The following COL24A1 variants were observed in gnomAD, a reference collection of about 807,000 sequenced individuals.
The protein encoded by COL24A1 is collagen type XXIV alpha 1 chain.
In COL24A1, 224 loss-of-function variants were observed where a neutral mutation model predicts 253.9. The observed-to-expected ratio is 0.88, with a 90% CI of 0.79 to 0.99. COL24A1 has a LOEUF of 0.99. Among genes scored for constraint, COL24A1 ranks in the 50% least tolerant of loss-of-function variants. The pLI, the probability that COL24A1 is intolerant of heterozygous loss-of-function variation, is 0.00. For missense variants in COL24A1, 2,131 were observed against 2,068.5 expected, an observed-to-expected ratio of 1.03 and a Z score of -0.59; for synonymous variants, 685 against 673.7, an observed-to-expected ratio of 1.02 and a Z score of -0.26.
rs1313322149 is a variant in COL24A1, at chr1:86,124,884, C to T, written c.1452G>A (p.Met484Ile). The stretch of plus-strand genomic sequence containing the variant: ...CTCCTTTTGGCCCTCTCAGATACTC[C>T]ATTTCAAGCATTGTATTTAGATCCT... ...YYEDLNTMLEMEYLRGPKGDT... is the reference protein window; with the variant it reads ...YYEDLNTMLEIEYLRGPKGDT... The change falls in exon 3 of 60, where the codon ATG (methionine) becomes ATA (isoleucine). Residue 484 changes from methionine (M) to isoleucine (I), a missense_variant. Physicochemically the swap from Met to Ile is conservative, Grantham distance 10. Transcript: ENST00000370571. The T allele has an allele frequency of 1.3e-6, 2 of 1,595,470 alleles. No homozygotes were observed. Among genetic ancestry groups the T allele is most frequent in the South Asian group, 2.3e-5 (2 of 87,054 alleles).
intron 27 of COL24A1, among the ~76,000 whole-genome samples, chr1:85,908,056 C>T (rs1174978096): frequency 1.3e-5 from 2 of 151,688 alleles, no homozygotes; most frequent in African/African-American, 2.4e-5. Context: ...AAGTTCTGCT[C>T]AGGGGATCCT....
chr1:86,148,556 G>A (rs2102433502), intron 1 of COL24A1, among the ~76,000 whole-genome samples: 1 of 149,624 alleles, frequency 6.7e-6, no homozygotes, highest in South Asian at 2.1e-4. Flanking sequence ...GTGCCCATGT[G>A]TTTTCATTGT....
At chr1:85,963,709 C>T (rs1268861645) in intron 23 of COL24A1, among the ~76,000 whole-genome samples, 1 of 152,022 alleles carries the variant, frequency 6.6e-6, no homozygotes, top group Non-Finnish European at 1.5e-5. Context: ...ATGAACATTA[C>T]AAAATTTCCT....
At chr1:86,062,698 TTC>T (rs1267188951) in intron 8 of COL24A1, among the ~76,000 whole-genome samples, 4 of 152,122 alleles carry the variant, frequency 2.6e-5, no homozygotes, top group African/African-American at 9.6e-5. Flanking sequence ...TCTCATCTTT[TTC>T]TCCCATAAAT....
rs746455768 is a variant in COL24A1, at chr1:85,868,599, C to T, written c.3220G>A (p.Gly1074Arg). Residue 1074 changes from glycine (G) to arginine (R), a missense_variant, in exon 37 of 60, where the codon GGA (glycine) becomes AGA (arginine). Gly to Arg is a moderately radical substitution (Grantham distance 125, BLOSUM62 -2). Transcript: ENST00000370571. ...KGVPGGRGLP[G>R]EDGEKGEMGL... ...ATCTCTCCTTTTTCTCCATCCTCTC[C>T]AGGAAGTCCCCTTCCTCCTGGTACT... 4.3e-6 allele frequency: 7 copies of T among 1,613,712 alleles called. No individual in the cohort carries two copies. In the East Asian group the frequency reaches 6.7e-5, roughly 15 times the overall value.
At chr1:85,906,909 C>T (rs549070078) in intron 28 of COL24A1, among the ~76,000 whole-genome samples, 70 of 151,806 alleles carry the variant, frequency 4.6e-4, no homozygotes, top group African/African-American at 1.6e-3. Context: ...TTACCATTCT[C>T]TCAAAGAATG....
rs551015674 is a variant in COL24A1, at chr1:85,840,482, A to G, written c.3627+740T>C. On this transcript the variant is annotated intron_variant, in intron 42 of 59. Coordinates refer to ENST00000370571, the MANE Select transcript of COL24A1 (RefSeq NM_152890.7). ...CAAAGAGCCAGGTCAAAATATCAGG[A>G]GTGACTACATATTCTGATCCTTGTG... 3.9e-4 allele frequency among the ~76,000 whole-genome samples: 60 copies of G among 152,302 alleles called. No homozygotes were observed. The Middle Eastern group carries it at 0.014, about 35-fold the overall frequency.
chr1:85,934,015 T>A (rs576154516), intron 24 of COL24A1, among the ~76,000 whole-genome samples: 5 of 152,308 alleles, frequency 3.3e-5, no homozygotes, highest in African/African-American at 1.2e-4. Flanking sequence ...CTGAGGATCT[T>A]TCATGAAGTT....
intron 1 of COL24A1, among the ~76,000 whole-genome samples, chr1:86,150,736 T>A (rs1652642845): frequency 6.6e-6 from 1 of 152,132 alleles, no homozygotes; most frequent in Admixed American, 6.5e-5. Flanking sequence ...GGACTAGGTT[T>A]GTTTGTTTCT....
intron 7 of COL24A1, among the ~76,000 whole-genome samples, chr1:86,070,906 A>T (rs1397187390): frequency 1.3e-5 from 2 of 152,222 alleles, no homozygotes; most frequent in Non-Finnish European, 2.9e-5. Flanking sequence ...TACAAAACTC[A>T]CTGGAAATAG....
chr1:85,831,681 T>C (rs578217855), intron 43 of COL24A1, among the ~76,000 whole-genome samples: 3 of 152,142 alleles, frequency 2.0e-5, no homozygotes, highest in South Asian at 4.2e-4. Context: ...GAAGATTTTA[T>C]AAGGGAAGTG....
At chr1:85,827,499 T>G (rs1313865752) in intron 43 of COL24A1, among the ~76,000 whole-genome samples, 3 of 151,952 alleles carry the variant, frequency 2.0e-5, no homozygotes, top group African/African-American at 7.2e-5. Context: ...TCAGAAGGAA[T>G]GGTACCATTT....
intron 33 of COL24A1, 109 bp downstream of exon 33, chr1:85,877,013 C>T (rs981576300): frequency 1.1e-5 from 8 of 703,740 alleles, no homozygotes; most frequent in African/African-American, 3.8e-5. Context: ...GAATATGAAA[C>T]AATACTATAG....
chr1:86,086,716 C>A (rs1435233055), intron 7 of COL24A1, among the ~76,000 whole-genome samples: 1 of 152,062 alleles, frequency 6.6e-6, no homozygotes, highest in Non-Finnish European at 1.5e-5. Context: ...CAGAATAATT[C>A]ACCAGTAACA....
At chr1:85,798,045 T>C (rs937164190) in intron 47 of COL24A1, among the ~76,000 whole-genome samples, 1 of 151,524 alleles carries the variant, frequency 6.6e-6, no homozygotes, top group Non-Finnish European at 1.5e-5. Flanking sequence ...TAAAAAACAA[T>C]AAATTACGGA....
At chr1:85,837,759 G>C (rs1044097480) in intron 43 of COL24A1, among the ~76,000 whole-genome samples, 2 of 152,152 alleles carry the variant, frequency 1.3e-5, no homozygotes, top group African/African-American at 4.8e-5. Flanking sequence ...AAGGGAATTT[G>C]AGTGAAATTA....
At chr1:85,942,185 G>A (rs1450086569) in intron 24 of COL24A1, among the ~76,000 whole-genome samples, 1 of 152,130 alleles carries the variant, frequency 6.6e-6, no homozygotes, top group Non-Finnish European at 1.5e-5. Context: ...GTTAGACTAT[G>A]GTTTTTTGAA....
At chr1:85,920,850 G>A (rs1470855735) in intron 24 of COL24A1, among the ~76,000 whole-genome samples, 2 of 151,204 alleles carry the variant, frequency 1.3e-5, no homozygotes, top group Non-Finnish European at 2.9e-5. Context: ...GAAATAATAA[G>A]AATGATGTAG....
intron 31 of COL24A1, among the ~76,000 whole-genome samples, chr1:85,893,467 C>T (rs1683338527): frequency 6.6e-6 from 1 of 151,996 alleles, no homozygotes; most frequent in African/African-American, 2.4e-5. Context: ...AACTGATAGA[C>T]TATCTAGATA....
Sources: gnomAD v4.1 joint callset for allele counts (sites outside exome capture counted in the v4.1 genomes callset) on GRCh38, gnomAD v4.1.1 for gene constraint, MANE v1.5 for transcripts, NCBI Gene and HGNC (gene_info 2026-07-23, HGNC 2026-07-21) for gene names.